BNC2: variants seen among roughly 807,000 people sequenced by gnomAD.
BNC2 encodes the protein zinc finger protein basonuclin-2.
BNC2 carries 20 observed loss-of-function variants against 76.3 expected under a neutral mutation model. The observed-to-expected ratio is 0.26, with a 90% CI of 0.18 to 0.38. BNC2 has a LOEUF of 0.38. Ranked by LOEUF, BNC2 falls within the 10% of genes least tolerant of loss-of-function variation. BNC2 has a pLI of 1.00. For synonymous variants in BNC2, 582 were observed against 514.8 expected (o/e 1.13, Z -1.77); for missense variants, 1,382 against 1,399.8 (o/e 0.99, Z 0.20).
At chr9:16,723,635 A>G (rs1161577328) in intron 3 of BNC2, among the ~76,000 whole-genome samples, 2 of 152,140 alleles carry the variant, frequency 1.3e-5, no homozygotes, top group Non-Finnish European at 2.9e-5. Flanking sequence ...GATTCTAGCA[A>G]TGTTATTATA....
chr9:16,539,753 GGAAAGGAAAGGAAAA>G lies in BNC2; in HGVS notation c.669+12762_669+12776del, dbSNP rs1399242933. Among the ~76,000 whole-genome samples the G allele has an allele frequency of 1.9e-3, 160 of 82,228 alleles. 4 individuals are homozygous for G. Among genetic ancestry groups the G allele is most frequent in the African/African-American group, 7.6e-3 (122 of 16,128 alleles). The allele number at this position is 82,228 out of a possible 152,430, so 53.9% of individuals were successfully genotyped here. ...AAGAGGGAAAGGGAAGGGAAGGGAA[GGAAAGGAAAGGAAAA>G]GAAAGGAAAGGAAAGGAAAGGAAAG... On this transcript the variant is annotated intron_variant, in intron 5 of 6. Coordinates refer to ENST00000380672, the MANE Select transcript of BNC2 (RefSeq NM_017637.6).
chr9:16,732,537 C>A (rs1353758594), intron 2 of BNC2, among the ~76,000 whole-genome samples: 1 of 152,156 alleles, frequency 6.6e-6, no homozygotes, highest in African/African-American at 2.4e-5. Flanking sequence ...TTTTTGTATA[C>A]AATTTAACAA....
At chr9:16,727,474 C>T (rs2134984613) in intron 3 of BNC2, 1 of 280,504 alleles carries the variant, frequency 3.6e-6, no homozygotes, top group African/African-American at 2.2e-5. Context: ...TGGGAGGTGG[C>T]TTTTTTCATT....
At chr9:16,715,046 A>G (rs1159402249) in intron 3 of BNC2, among the ~76,000 whole-genome samples, 1 of 152,154 alleles carries the variant, frequency 6.6e-6, no homozygotes, top group Non-Finnish European at 1.5e-5. Flanking sequence ...CATCATAATC[A>G]ATTGCTTGGT....
At position 16,410,056 on chromosome 9, in the gene BNC2, A is replaced by G. The variant is rs1472343616; in HGVS notation, c.*8933T>C. On this transcript the variant is annotated 3_prime_UTR_variant, in exon 7 of 7. Coordinates refer to ENST00000380672, the MANE Select transcript of BNC2 (RefSeq NM_017637.6). ...TCAAATATGGAGGCTGAGTCCAATA[A>G]TTTTGTTACTGGAGACACACCAATG... 1 of 152,178 alleles carries G rather than the reference A, an allele frequency of 6.6e-6. No homozygotes were observed. Among genetic ancestry groups the G allele is most frequent in the Non-Finnish European group, 1.5e-5 (1 of 68,032 alleles). The allele number at this position is 152,178 out of a possible 1,614,324, so 9.4% of individuals were successfully genotyped here. A position where few individuals can be genotyped will look rare whatever the true frequency, so the allele number is the denominator to read the frequency against.
intron 3 of BNC2, among the ~76,000 whole-genome samples, chr9:16,630,094 T>C (rs142421696): frequency 6.6e-6 from 1 of 152,276 alleles, no homozygotes; most frequent in African/African-American, 2.4e-5. Context: ...ATCTGCAGAG[T>C]GCAGTAAAGC....
intron 1 of BNC2, among the ~76,000 whole-genome samples, chr9:16,795,111 T>C (rs750344176): frequency 3.3e-5 from 5 of 152,172 alleles, no homozygotes; most frequent in Non-Finnish European, 5.9e-5. Flanking sequence ...TCCTCTCAAG[T>C]TTCCAGAACA....
chr9:16,620,684 T>G (rs1820841206), intron 3 of BNC2, among the ~76,000 whole-genome samples: 1 of 152,206 alleles, frequency 6.6e-6, no homozygotes. Context: ...GCCAACTCCC[T>G]TTTTTCAGTG....
chr9:16,759,986 G>C (rs1825506318), intron 1 of BNC2, among the ~76,000 whole-genome samples: 1 of 152,196 alleles, frequency 6.6e-6, no homozygotes, highest in African/African-American at 2.4e-5. Flanking sequence ...GCCTCCCAAA[G>C]TGCTGGGATT....
intron 1 of BNC2, among the ~76,000 whole-genome samples, chr9:16,862,614 G>C (rs2136215267): frequency 6.6e-6 from 1 of 152,314 alleles, no homozygotes; most frequent in South Asian, 2.1e-4. Context: ...TAAAGAACAA[G>C]TGCAGGATAC....
intron 1 of BNC2, among the ~76,000 whole-genome samples, chr9:16,832,037 A>G (rs192454749): frequency 6.6e-6 from 1 of 152,348 alleles, no homozygotes; most frequent in East Asian, 1.9e-4. Flanking sequence ...TTGAATCCTC[A>G]AGCAAAACAA....
At chr9:16,754,040 G>A (rs1310217697) in intron 1 of BNC2, among the ~76,000 whole-genome samples, 1 of 152,132 alleles carries the variant, frequency 6.6e-6, no homozygotes, top group Non-Finnish European at 1.5e-5. Context: ...GCCTCAGAGT[G>A]CTCGCTTATA....
chr9:16,773,042 A>G, intron 1 of BNC2, among the ~76,000 whole-genome samples: 1 of 152,210 alleles, frequency 6.6e-6, no homozygotes, highest in Non-Finnish European at 1.5e-5. Flanking sequence ...TAGAGAGACT[A>G]CTGTGTCTAT....
intron 4 of BNC2, among the ~76,000 whole-genome samples, chr9:16,569,853 G>A (rs150697432): frequency 6.6e-6 from 1 of 152,174 alleles, no homozygotes; most frequent in Non-Finnish European, 1.5e-5. Flanking sequence ...TGCCACTGCT[G>A]TTCTATCCAA....
intron 5 of BNC2, among the ~76,000 whole-genome samples, chr9:16,506,366 ACT>A (rs1425721240): frequency 1.3e-5 from 2 of 151,820 alleles, no homozygotes; most frequent in African/African-American, 2.4e-5. Context: ...CTTTCCTGTG[ACT>A]CTTCTTAATC....
chr9:16,672,792 T>C (rs985664843), intron 3 of BNC2, among the ~76,000 whole-genome samples: 5 of 152,186 alleles, frequency 3.3e-5, no homozygotes, highest in African/African-American at 1.2e-4. Flanking sequence ...CAAATTCTGC[T>C]AAAGAGTAAG....
intron 1 of BNC2, among the ~76,000 whole-genome samples, chr9:16,788,372 T>C (rs974369375): frequency 6.6e-6 from 1 of 151,576 alleles, no homozygotes; most frequent in African/African-American, 2.4e-5. Context: ...GCTAACATGG[T>C]GAAACCCCGT....
chr9:16,463,433 A>C (rs1821631411), intron 5 of BNC2, among the ~76,000 whole-genome samples: 1 of 143,748 alleles, frequency 7.0e-6, no homozygotes, highest in African/African-American at 2.7e-5. Flanking sequence ...AGTAGCTGGG[A>C]CTACAGGCGC....
At chr9:16,449,437 A>C (rs1243688574) in intron 5 of BNC2, among the ~76,000 whole-genome samples, 2 of 152,160 alleles carry the variant, frequency 1.3e-5, no homozygotes, top group African/African-American at 4.8e-5. Flanking sequence ...CAATATGGGT[A>C]AACTACTGTT....
Sources: allele counts gnomAD v4.1 joint callset (sites outside exome capture counted in the v4.1 genomes callset), GRCh38; gene constraint gnomAD v4.1.1; transcripts MANE v1.5; gene names NCBI Gene and HGNC (gene_info 2026-07-23, HGNC 2026-07-21).